The following ANO9 variants were observed in gnomAD, a reference collection of about 807,000 sequenced individuals.
The protein encoded by ANO9 is anoctamin 9.
Under a neutral mutation model 100.5 loss-of-function variants are expected in ANO9, and 80 were observed. The observed-to-expected ratio is 0.80, with a 90% CI of 0.66 to 0.96. The LOEUF (loss-of-function observed/expected upper bound fraction) is 0.96, where lower values mean the gene tolerates loss of function less well. Among genes scored for constraint, ANO9 ranks in the 40% least tolerant of loss-of-function variants. The pLI is 0.00. For missense variants in ANO9, 1,064 were observed against 1,072.7 expected (o/e 0.99, Z 0.11); for synonymous variants, 473 against 435.6 (o/e 1.09, Z -1.07).
chr11:431,851 G>A lies in ANO9; in HGVS notation c.462C>T (p.His154=), dbSNP rs2133702088. ...DGVFEARFPL[H]KGEGRLKKTW... Reference sequence around the variant, plus strand: ...TCCAGGCCAGCCCACCCCTCACCTTGTGCAGGGGGAACCTGGCCTCAAAGA... The same window carrying A: ...TCCAGGCCAGCCCACCCCTCACCTTATGCAGGGGGAACCTGGCCTCAAAGA... Residue 154 remains histidine, a synonymous_variant, in exon 6 of 23, where the codon CAC becomes CAT. Transcript: ENST00000332826. 6.2e-7 allele frequency: 1 copy of A among 1,610,830 alleles called. No individual in the cohort carries two copies. Among genetic ancestry groups the A allele is most frequent in the Non-Finnish European group, 8.5e-7 (1 of 1,178,496 alleles).
In ANO9 at chr11:431,735, C is replaced by T. The variant is rs766115534; in HGVS notation, c.498G>A (p.Arg166=). Residue 166 remains arginine, a synonymous_variant, in exon 7 of 23, where the codon CGG becomes CGA. Coordinates refer to ENST00000332826, the MANE Select transcript of ANO9 (RefSeq NM_001012302.3). The part of the protein sequence containing the change: ...GEGRLKKTWA[R]WRHMFREQPV... ...GCTGCTCCCGGAACATGTGTCTCCA[C>T]CGCGCCCACGTCTTCTTCAGGCGTC... The T allele has an allele frequency of 1.9e-6, 3 of 1,612,702 alleles. No individual in the cohort carries two copies. Among genetic ancestry groups the T allele is most frequent in the Non-Finnish European group, 2.5e-6 (3 of 1,179,576 alleles).
Position 428,130 on chromosome 11 carries a change from G to C in ANO9, c.1292C>G (p.Thr431Ser). The change falls in exon 15 of 23, where the codon ACC (threonine) becomes AGC (serine). Residue 431 changes from threonine to serine, a missense_variant. Thr to Ser is a moderately conservative substitution (Grantham distance 58). Transcript: ENST00000332826. ...TIRFFTLQFF[T>S]HFSSLIYIAF... is the part of the protein sequence containing the mutation. ...GATGTAGATGAGAGACGAGAAATGG[G>C]TGAAGAACTGCAGTGTGAAGAAGCG... 1 of 1,611,110 alleles carries C rather than the reference G, an allele frequency of 6.2e-7. No individual in the cohort carries two copies. The highest frequency in any genetic ancestry group is 8.5e-7 in the Non-Finnish European group (1 of 1,179,582).
At chr11:433,558 C>G (rs754311152) in intron 3 of ANO9, 99 bp from the exon 4 acceptor site, 47 of 1,475,904 alleles carry the variant, frequency 3.2e-5, no homozygotes, top group South Asian at 5.9e-5. Context: ...AACCCTCCCC[C>G]CTCTATTCCG....
intron 15 of ANO9, among the ~76,000 whole-genome samples, chr11:426,682 G>T (rs976428440): frequency 6.6e-6 from 1 of 152,192 alleles, no homozygotes; most frequent in Non-Finnish European, 1.5e-5. Context: ...CAAGACATCA[G>T]GCTTTCGGGG....
In ANO9 at chr11:430,282, C is replaced by A. The variant is rs1488862357; in HGVS notation, c.661G>T (p.Ala221Ser). 1.3e-6 allele frequency: 2 copies of A among 1,576,692 alleles called. No individual in the cohort carries two copies. Among genetic ancestry groups the A allele is most frequent in the African/African-American group, 2.7e-5 (2 of 73,660 alleles). The change falls in exon 8 of 23, where the codon GCC becomes TCC. Residue 221 changes from alanine (A) to serine (S), a missense_variant. Ala to Ser is a moderately conservative substitution (Grantham distance 99). Transcript: ENST00000332826. Reference protein sequence around the residue: ...VFLSGFSLFEASQISKEICEA... With the variant: ...VFLSGFSLFESSQISKEICEA... Reference sequence around the variant, plus strand: ...GCTGCGGCCCACCTGATCTGGCTGGCCTCAAACAGCGAGAATCCGCTCAGA... The same window carrying A: ...GCTGCGGCCCACCTGATCTGGCTGGACTCAAACAGCGAGAATCCGCTCAGA...
chr11:420,810 A>G lies in ANO9; in HGVS notation c.1541T>C (p.Leu514Pro). The G allele has an allele frequency of 6.3e-7, 1 of 1,594,636 alleles. No homozygotes were observed. Among genetic ancestry groups the G allele is most frequent in the Non-Finnish European group, 8.5e-7 (1 of 1,173,962 alleles). The change falls in exon 18 of 23, where the codon CTG (leucine) becomes CCG (proline). Residue 514 changes from leucine (L) to proline (P), a missense_variant. Leu to Pro is a moderately conservative substitution (Grantham distance 98, BLOSUM62 -3). Transcript: ENST00000332826. ...GTCCCTGAGCTCGGGGTCCCGGGGC[A>G]GGTGCCCGGACTCGGAGGCCCGCAG... ...RSLRASESGH[L>P]PRDPELRDWR...
At chr11:439,725 C>T (rs940679919) in intron 1 of ANO9, among the ~76,000 whole-genome samples, 4 of 152,328 alleles carry the variant, frequency 2.6e-5, no homozygotes, top group African/African-American at 9.6e-5. Flanking sequence ...CATGGAGAGG[C>T]CCACCTTGTG....
chr11:434,037 A>C lies in ANO9; in HGVS notation c.68T>G (p.Ile23Ser), dbSNP rs143515712. The stretch of plus-strand genomic sequence containing the variant: ...CCGGACACCCACCTCACAGGTGCTG[A>C]TCTCCATCAGCGGGAAGCTGTCCCC... Reference protein sequence around the residue: ...PEGDSFPLMEISTCETEASEQ... With the variant: ...PEGDSFPLMESSTCETEASEQ... The change falls in exon 2 of 23, where the codon ATC (isoleucine) becomes AGC (serine). Residue 23 changes from isoleucine (I) to serine (S), a missense_variant. Transcript: ENST00000332826. 2 of 1,550,904 alleles carry C rather than the reference A, an allele frequency of 1.3e-6. No individual in the cohort carries two copies. Among genetic ancestry groups the C allele is most frequent in the Admixed American group, 3.9e-5 (2 of 51,044 alleles).
chr11:436,861 TGGGGGTGAGCA>T (rs1849614898), intron 1 of ANO9, among the ~76,000 whole-genome samples: 1 of 504 alleles, frequency 2.0e-3, no homozygotes, highest in Non-Finnish European at 2.6e-3. Context: ...GGGAGTGAGC[TGGGGGTGAGCA>T]GGGGGTGAGC....
At chr11:433,227 G>A (rs1849161657) in intron 4 of ANO9, 87 bp downstream of exon 4, 1 of 1,516,328 alleles carries the variant, frequency 6.6e-7, no homozygotes, top group Non-Finnish European at 8.8e-7. Context: ...GACGCCTGGA[G>A]CCTGGCACTG....
chr11:419,171 G>A, intron 20 of ANO9, 182 bp from the exon 21 acceptor site: 6 of 1,435,514 alleles, frequency 4.2e-6, no homozygotes, highest in African/African-American at 1.4e-5. Flanking sequence ...GCCTTGTGGG[G>A]ACTGTGGGGA....
At chr11:428,050 C>T (rs375996529) in intron 15 of ANO9, 38 bp downstream of exon 15, 75 of 1,391,618 alleles carry the variant, frequency 5.4e-5, no homozygotes, top group Non-Finnish European at 6.7e-5. Flanking sequence ...AACAAGCCCT[C>T]GTGAGTTGGG....
rs1848280252 is a variant in ANO9 at position 422,939 on chromosome 11, C to T, written c.1335-1741G>A. ...CCACCTTCCGGGTTTAAGTGATTCTCCTGCCTCAGCCTCCTGAGTAGCTGG... is the reference window on the plus strand; with the variant it reads ...CCACCTTCCGGGTTTAAGTGATTCTTCTGCCTCAGCCTCCTGAGTAGCTGG... On this transcript the variant is annotated intron_variant, in intron 15 of 22. Coordinates refer to ENST00000332826, the MANE Select transcript of ANO9 (RefSeq NM_001012302.3). This position sits in a 1 kb window ranked among gnomAD's most constrained non-coding sequence, Gnocchi z 4.3. Among the ~76,000 whole-genome samples, 1 of 151,674 alleles carries T rather than the reference C, an allele frequency of 6.6e-6. No homozygotes were observed. The highest frequency in any genetic ancestry group is 2.4e-5 in the African/African-American group (1 of 41,228).
chr11:428,141 C>T lies in ANO9; in HGVS notation c.1281G>A (p.Leu427=). The T allele has an allele frequency of 6.2e-7, 1 of 1,611,592 alleles. No homozygotes were observed. The highest frequency in any genetic ancestry group is 1.1e-5 in the South Asian group (1 of 90,918). The stretch of plus-strand genomic sequence containing the variant: ...GAGACGAGAAATGGGTGAAGAACTG[C>T]AGTGTGAAGAAGCGGATGGTGAACC... ...ESRFTIRFFT[L]QFFTHFSSLI... The change falls in exon 15 of 23, where the codon CTG becomes CTA. Residue 427 remains leucine (L), a synonymous_variant. Transcript: ENST00000332826.
At chr11:427,572 A>G (rs1185602359) in intron 15 of ANO9, among the ~76,000 whole-genome samples, 1 of 151,760 alleles carries the variant, frequency 6.6e-6, no homozygotes. Context: ...TTTCTACAAA[A>G]AATATTAAAA....
intron 1 of ANO9, among the ~76,000 whole-genome samples, chr11:441,424 G>A (rs1845863710): frequency 1.3e-5 from 2 of 152,166 alleles, no homozygotes; most frequent in South Asian, 4.1e-4. Context: ...TGCTGGGCGG[G>A]GTCCTTGGGG....
intron 1 of ANO9, among the ~76,000 whole-genome samples, chr11:434,965 G>A (rs1317312897): frequency 6.6e-6 from 1 of 152,174 alleles, no homozygotes; most frequent in Non-Finnish European, 1.5e-5. Flanking sequence ...CTCAAGACCT[G>A]CCTCCTCCAG....
chr11:425,398 G>A (rs978773134), intron 15 of ANO9, among the ~76,000 whole-genome samples: 5 of 151,942 alleles, frequency 3.3e-5, no homozygotes, highest in African/African-American at 1.2e-4. Flanking sequence ...TCAAGAAAAA[G>A]AGGCAAGTAG....
In ANO9 at chr11:430,266, C is replaced by A; in HGVS notation, c.674+3G>T. The A allele has an allele frequency of 6.4e-7, 1 of 1,563,014 alleles. No homozygotes were observed. ...CCCATGCCCGGCCCCTGCTGCGGCCCACCTGATCTGGCTGGCCTCAAACAG... is the reference window on the plus strand; with the variant it reads ...CCCATGCCCGGCCCCTGCTGCGGCCAACCTGATCTGGCTGGCCTCAAACAG... On this transcript the variant is annotated splice_donor_region_variant and intron_variant, in intron 8 of 22. Transcript: ENST00000332826.
Sources: allele counts gnomAD v4.1 joint callset (sites outside exome capture counted in the v4.1 genomes callset), GRCh38; gene constraint gnomAD v4.1.1; non-coding constraint Gnocchi (gnomAD v3.1); transcripts MANE v1.5; gene names NCBI Gene and HGNC (gene_info 2026-07-23, HGNC 2026-07-21).